TRPM3: variants seen among roughly 807,000 people sequenced by gnomAD.
TRPM3 encodes the protein long transient receptor potential channel 3.
In TRPM3, 77 loss-of-function variants were observed where a neutral mutation model predicts 181.2. The ratio of observed to expected loss-of-function variants is 0.42; its 90% confidence interval spans 0.35 to 0.51. The LOEUF (loss-of-function observed/expected upper bound fraction) is 0.51, where lower values mean the gene tolerates loss of function less well. Among genes scored for constraint, TRPM3 ranks in the 20% least tolerant of loss-of-function variants. The pLI is 0.01. For missense variants in TRPM3, 1,759 were observed against 2,196.7 expected (o/e 0.80, Z 3.98); for synonymous variants, 745 against 796.4 (o/e 0.94, Z 1.09).
intron 1 of TRPM3, among the ~76,000 whole-genome samples, chr9:71,333,732 C>T (rs542556918): frequency 1.3e-4 from 19 of 151,970 alleles, no homozygotes; most frequent in African/African-American, 4.6e-4. Flanking sequence ...TCCAGTTATG[C>T]TACACCTGGA....
At chr9:71,386,638 T>C (rs1290952898) in intron 1 of TRPM3, among the ~76,000 whole-genome samples, 1 of 152,176 alleles carries the variant, frequency 6.6e-6, no homozygotes, top group African/African-American at 2.4e-5. Context: ...TTGATTTTCA[T>C]GCTGCAATGG....
At chr9:70,942,431 G>A (rs2096895007) in intron 1 of TRPM3, among the ~76,000 whole-genome samples, 3 of 152,158 alleles carry the variant, frequency 2.0e-5, no homozygotes, top group African/African-American at 4.8e-5. Flanking sequence ...GAAAGAAGAG[G>A]TGAGCATCTC....
intron 17 of TRPM3, among the ~76,000 whole-genome samples, chr9:70,616,765 A>G (rs2133126908): frequency 6.6e-6 from 1 of 152,264 alleles, no homozygotes; most frequent in South Asian, 2.1e-4. Context: ...AAGCCCCAGG[A>G]GAAGCCAGCG....
chr9:71,091,286 T>C (rs2133906360), intron 1 of TRPM3, among the ~76,000 whole-genome samples: 1 of 152,276 alleles, frequency 6.6e-6, no homozygotes, highest in East Asian at 1.9e-4. Flanking sequence ...TTATCTATTT[T>C]TCTGCTACCC....
chr9:71,283,385 C>T (rs2085007195), intron 1 of TRPM3, among the ~76,000 whole-genome samples: 1 of 152,144 alleles, frequency 6.6e-6, no homozygotes, highest in Non-Finnish European at 1.5e-5. Context: ...CAAGCTGTGC[C>T]TCCCGGGTTC....
At chr9:70,687,551 T>TA (rs528786305) in intron 8 of TRPM3, among the ~76,000 whole-genome samples, 363 of 152,280 alleles carry the variant, frequency 2.4e-3, no homozygotes, top group African/African-American at 7.8e-3. Flanking sequence ...AACATTTTGT[T>TA]AAAAAAACAC....
At chr9:71,398,171 T>C (rs567643662) in intron 1 of TRPM3, among the ~76,000 whole-genome samples, 26 of 152,336 alleles carry the variant, frequency 1.7e-4, no homozygotes, top group African/African-American at 6.3e-4. Flanking sequence ...TAGTGTTAGT[T>C]ACCCTTTATA....
At position 71,420,977 on chromosome 9, in the gene TRPM3, G is replaced by GAGAGAGAAAAAGAGAGAAAA. The variant is rs1563912422; in HGVS notation, c.183+25675_183+25676insTTTTCTCTCTTTTTCTCTCT. Among the ~76,000 whole-genome samples the GAGAGAGAAAAAGAGAGAAAA allele has an allele frequency of 8.9e-5, 11 of 123,984 alleles. No homozygotes were observed. In the South Asian group the frequency reaches 2.1e-3, roughly 23 times the overall value. 81.3% of individuals were successfully genotyped at this position (123,984 alleles called of 152,430 possible). A position where few individuals can be genotyped will look rare whatever the true frequency, so the allele number is the denominator to read the frequency against. ...AGGGAGAGAAAAAGGGAGAGAAAAA[G>GAGAGAGAAAAAGAGAGAAAA]AGAGAGAAAAAGAGAGAGAAAAAGA... On this transcript the variant is annotated intron_variant, in intron 1 of 24. Transcript: ENST00000357533.
intron 5 of TRPM3, among the ~76,000 whole-genome samples, chr9:70,836,490 G>T (rs2094332520): frequency 6.6e-6 from 1 of 152,186 alleles, no homozygotes; most frequent in South Asian, 2.1e-4. Flanking sequence ...GCTTTGACCA[G>T]TAATGCCAGT....
At chr9:71,014,997 T>C (rs903914053) in intron 1 of TRPM3, among the ~76,000 whole-genome samples, 3 of 152,168 alleles carry the variant, frequency 2.0e-5, no homozygotes, top group African/African-American at 7.2e-5. Context: ...TCAGTATTTT[T>C]CTTTGCACTA....
intron 1 of TRPM3, among the ~76,000 whole-genome samples, chr9:71,076,540 C>T (rs1000300410): frequency 1.3e-5 from 2 of 152,114 alleles, no homozygotes; most frequent in East Asian, 1.9e-4. Flanking sequence ...TGTTAGCATT[C>T]GCCACTTAGC....
intron 1 of TRPM3, among the ~76,000 whole-genome samples, chr9:71,342,422 G>T (rs940004648): frequency 6.6e-6 from 1 of 151,216 alleles, no homozygotes; most frequent in Non-Finnish European, 1.5e-5. Flanking sequence ...GATATTATAT[G>T]ATAAATATGA....
Position 71,268,646 on chromosome 9 carries a change from G to A in TRPM3, c.183+178007C>T, listed in dbSNP as rs148143763. On this transcript the variant is annotated intron_variant, in intron 1 of 24. Coordinates refer to the TRPM3 transcript ENST00000357533. ...TCAAGACCAGCCTTGCCAACATGGT[G>A]AAACCGTTTCTAGAAAAATACAAAA... Among the ~76,000 whole-genome samples the A allele has an allele frequency of 2.3e-3, 352 of 151,878 alleles. 1 individual carries two copies. Among genetic ancestry groups the A allele is most frequent in the Non-Finnish European group, 3.7e-3 (252 of 67,944 alleles).
At chr9:70,922,104 G>C (rs935767733) in intron 1 of TRPM3, among the ~76,000 whole-genome samples, 2 of 152,132 alleles carry the variant, frequency 1.3e-5, no homozygotes, top group Non-Finnish European at 2.9e-5. Flanking sequence ...AAGTTCTTGG[G>C]AAGTGGATTT....
intron 9 of TRPM3, among the ~76,000 whole-genome samples, chr9:70,656,451 A>G (rs1241619446): frequency 6.6e-6 from 1 of 152,224 alleles, no homozygotes; most frequent in Non-Finnish European, 1.5e-5. Context: ...TTCAAAGCTA[A>G]ACTATAACTT....
At chr9:70,549,499 T>C (rs1366160876) in intron 25 of TRPM3, 43 bp downstream of exon 25, 1 of 1,580,206 alleles carries the variant, frequency 6.3e-7, no homozygotes, top group Non-Finnish European at 8.6e-7. Context: ...AAGCATGCCT[T>C]GGCACAACAC....
chr9:70,855,611 A>C (rs969302114), intron 3 of TRPM3, among the ~76,000 whole-genome samples: 20 of 152,182 alleles, frequency 1.3e-4, no homozygotes, highest in Admixed American at 5.9e-4. Flanking sequence ...ATCTATTCTA[A>C]CAATATTTTT....
intron 3 of TRPM3, among the ~76,000 whole-genome samples, 200 bp from the exon 4 acceptor site, chr9:70,846,791 A>C (rs1469612646): frequency 6.6e-6 from 1 of 152,190 alleles, no homozygotes; most frequent in African/African-American, 2.4e-5. Flanking sequence ...GCTTTCTTGA[A>C]ATTATGATAA....
intron 1 of TRPM3, among the ~76,000 whole-genome samples, chr9:71,185,214 G>T (rs1191646721): frequency 6.6e-6 from 1 of 152,098 alleles, no homozygotes; most frequent in Non-Finnish European, 1.5e-5. Flanking sequence ...CATGAAAGGA[G>T]AGAGGAGATA....
Sources: allele counts gnomAD v4.1 joint callset (sites outside exome capture counted in the v4.1 genomes callset), GRCh38; gene constraint gnomAD v4.1.1; transcripts MANE v1.5; gene names NCBI Gene and HGNC (gene_info 2026-07-23, HGNC 2026-07-21).